PCDHA8: variants seen among roughly 807,000 people sequenced by gnomAD.
PCDHA8 encodes the protein protocadherin alpha-8.
PCDHA8 carries 53 observed loss-of-function variants against 61.8 expected under a neutral mutation model. That is an observed-to-expected ratio of 0.86 (90% CI 0.69 to 1.08). The LOEUF is 1.08. Ranked by LOEUF, PCDHA8 falls within the 50% of genes least tolerant of loss-of-function variation. The probability of loss-of-function intolerance (pLI) is 0.00; values close to 1 mark genes in which losing one functional copy is unlikely to be tolerated. For synonymous variants in PCDHA8, 618 were observed against 556.6 expected (o/e 1.11, Z -1.55); for missense variants, 1,293 against 1,245.0 (o/e 1.04, Z -0.58).
chr5:140,853,667 G>A lies in PCDHA8; in HGVS notation c.2394+9952G>A, dbSNP rs965344983. 2.4e-5 allele frequency: 24 copies of A among 988,242 alleles called. 2 individuals carry two copies. The highest frequency in any genetic ancestry group is 7.1e-5 in the African/African-American group (4 of 56,544). 61.2% of individuals were successfully genotyped at this position (988,242 alleles called of 1,614,324 possible). On this transcript the variant is annotated intron_variant, in intron 1 of 3. Transcript: ENST00000531613. ...TTGAGCCTGTTCCAGACAAATTGGG[G>A]CCTATGGTCAACCTATCCTTAGACC...
chr5:140,850,370 G>A (rs141414972), intron 1 of PCDHA8: 2 of 1,597,812 alleles, frequency 1.3e-6, no homozygotes, highest in African/African-American at 2.7e-5. Context: ...TCCGCGTGGG[G>A]CTGTACACGG....
At position 140,841,334 on chromosome 5, in the gene PCDHA8, T is replaced by C. The variant is rs2150313767; in HGVS notation, c.13T>C (p.Trp5Arg). The C allele has an allele frequency of 4.1e-5, 65 of 1,588,822 alleles. No homozygotes were observed. The African/African-American group carries it at 7.9e-4, about 19-fold the overall frequency. ...ACGACTATTTAACATGGATTATCAC[T>C]GGCGAGGAGAGCTGGGATCCTGGCG... MDYH[W>R]RGELGSWRLL... is the part of the protein sequence containing the mutation. Residue 5 changes from tryptophan (W) to arginine (R), a missense_variant, in exon 1 of 4, where the codon TGG becomes CGG. Coordinates refer to ENST00000531613, the MANE Select transcript of PCDHA8 (RefSeq NM_018911.3).
chr5:140,958,159 A>T (rs782390357), intron 1 of PCDHA8, among the ~76,000 whole-genome samples: 35 of 152,134 alleles, frequency 2.3e-4, no homozygotes, highest in Non-Finnish European at 4.3e-4. Flanking sequence ...CATAGTCAAA[A>T]GCCTGGAGTG....
At position 140,869,552 on chromosome 5, in the gene PCDHA8, C is replaced by T. The variant is rs537127263; in HGVS notation, c.2394+25837C>T. ...ATTGCGGAATCTAAGCAATCGGACTCGCGTTTTCCACTAGAGGGAGCTTCT... is the reference window on the plus strand; with the variant it reads ...ATTGCGGAATCTAAGCAATCGGACTTGCGTTTTCCACTAGAGGGAGCTTCT... On this transcript the variant is annotated intron_variant, in intron 1 of 3. Transcript: ENST00000531613. 4 of 1,614,140 alleles carry T rather than the reference C, an allele frequency of 2.5e-6. No homozygotes were observed. In the East Asian group the frequency reaches 6.7e-5, roughly 27 times the overall value.
intron 1 of PCDHA8, among the ~76,000 whole-genome samples, chr5:140,912,582 T>C (rs2075986919): frequency 6.6e-6 from 1 of 152,214 alleles, no homozygotes. Context: ...TTTTCCAATT[T>C]GGATGCCCTT....
At chr5:140,850,141 T>G in intron 1 of PCDHA8, 1 of 1,595,586 alleles carries the variant, frequency 6.3e-7, no homozygotes, top group Non-Finnish European at 8.6e-7. Context: ...GGCAGCAACG[T>G]GACGCTGCAG....
intron 1 of PCDHA8, chr5:140,857,810 C>T (rs1411794040): frequency 1.9e-6 from 3 of 1,597,674 alleles, no homozygotes; most frequent in Non-Finnish European, 2.6e-6. Context: ...GGTTGCGGGT[C>T]ACGTGGTGGC....
At position 140,858,257 on chromosome 5, in the gene PCDHA8, C is replaced by G; in HGVS notation, c.2394+14542C>G. ...CGCATGTGGGCCGGTGAAGCCCACGCTGGTGTGCTCTAGCGCGGTGGGGAG... is the reference window on the plus strand; with the variant it reads ...CGCATGTGGGCCGGTGAAGCCCACGGTGGTGTGCTCTAGCGCGGTGGGGAG... On this transcript the variant is annotated intron_variant, in intron 1 of 3. Transcript: ENST00000531613. 2 of 1,596,668 alleles carry G rather than the reference C, an allele frequency of 1.3e-6. 1 individual carries two copies. Among genetic ancestry groups the G allele is most frequent in the Non-Finnish European group, 1.7e-6 (2 of 1,166,542 alleles).
At chr5:140,878,693 C>A (rs932928385) in intron 1 of PCDHA8, among the ~76,000 whole-genome samples, 6 of 152,254 alleles carry the variant, frequency 3.9e-5, no homozygotes, top group South Asian at 2.1e-4. Flanking sequence ...TCTTACATAC[C>A]CCAGCCTGGT....
chr5:140,869,517 A>AT, intron 1 of PCDHA8: 1 of 1,614,200 alleles, frequency 6.2e-7, no homozygotes, highest in East Asian at 2.2e-5. Flanking sequence ...TCAGAGAACA[A>AT]AAGCTGCTGA....
In PCDHA8 at chr5:140,841,457, G is replaced by T. The variant is rs2150315897; in HGVS notation, c.136G>T (p.Gly46Cys). 1 of 1,612,920 alleles carries T rather than the reference G, an allele frequency of 6.2e-7. No homozygotes were observed. The highest frequency in any genetic ancestry group is 1.1e-5 in the South Asian group (1 of 91,022). ...PEEAKHGTFV[G>C]RIAQDLGLEL... Reference sequence around the variant, plus strand: ...GGAGGCCAAACACGGCACCTTCGTGGGCCGGATCGCGCAGGACCTGGGGCT... The same window carrying T: ...GGAGGCCAAACACGGCACCTTCGTGTGCCGGATCGCGCAGGACCTGGGGCT... The change falls in exon 1 of 4, where the codon GGC becomes TGC. Residue 46 changes from glycine to cysteine, a missense_variant. Gly to Cys is a radical substitution (Grantham distance 159, BLOSUM62 -3). Coordinates refer to ENST00000531613, the MANE Select transcript of PCDHA8 (RefSeq NM_018911.3).
At position 141,010,062 on chromosome 5, in the gene PCDHA8, A is replaced by G. The variant is rs1310704954; in HGVS notation, c.*125A>G. The G allele has an allele frequency of 8.1e-6, 13 of 1,602,422 alleles. No individual in the cohort carries two copies. Among genetic ancestry groups the G allele is most frequent in the African/African-American group, 2.7e-5 (2 of 74,284 alleles). On this transcript the variant is annotated 3_prime_UTR_variant, in exon 4 of 4. Transcript: ENST00000531613. Reference sequence around the variant, plus strand: ...CCTCTTAGAGACCTCAGAAATCTGCAGAAAGTTCCCTGTGTCTGTCTAGAA... The same window carrying G: ...CCTCTTAGAGACCTCAGAAATCTGCGGAAAGTTCCCTGTGTCTGTCTAGAA...
chr5:140,968,312 C>A, intron 1 of PCDHA8: 2 of 1,613,960 alleles, frequency 1.2e-6, no homozygotes, highest in Non-Finnish European at 1.7e-6. Context: ...GATTCAAGGG[C>A]TGCCAGTCAC....
intron 1 of PCDHA8, chr5:140,875,761 G>A (rs373515339): frequency 1.9e-6 from 3 of 1,614,236 alleles, no homozygotes; most frequent in East Asian, 2.2e-5. Flanking sequence ...GAAGCTGTGC[G>A]GGCGGAGCGC....
At position 140,850,814 on chromosome 5, in the gene PCDHA8, C is replaced by A. The variant is rs2150499236; in HGVS notation, c.2394+7099C>A. The A allele has an allele frequency of 8.1e-6, 13 of 1,598,168 alleles. 1 individual carries two copies. In the South Asian group the frequency reaches 1.4e-4, roughly 18 times the overall value. On this transcript the variant is annotated intron_variant, in intron 1 of 3. Transcript: ENST00000531613. ...AGAAGACCGACCTCATGGCCTTCAG[C>A]CCGGGCCTTTCTCCTTGTGCTGGAT...
intron 1 of PCDHA8, chr5:140,847,497 A>G (rs1331989915): frequency 3.3e-5 from 5 of 149,972 alleles, no homozygotes; most frequent in African/African-American, 1.2e-4. Context: ...AAAACTCACA[A>G]CAAAACTTTG....
intron 1 of PCDHA8, chr5:140,858,779 C>T (rs771428982): frequency 5.0e-6 from 2 of 403,886 alleles, no homozygotes; most frequent in Non-Finnish European, 9.0e-6. Flanking sequence ...ATTAGTACTT[C>T]ATGTTATTTC....
intron 1 of PCDHA8, among the ~76,000 whole-genome samples, chr5:140,907,439 A>G (rs1217956706): frequency 6.6e-6 from 1 of 152,250 alleles, no homozygotes; most frequent in Admixed American, 6.5e-5. Context: ...CTGTGAGTCC[A>G]CAGATGGTAA....
At chr5:140,931,881 T>C (rs2087825880) in intron 1 of PCDHA8, among the ~76,000 whole-genome samples, 1 of 152,002 alleles carries the variant, frequency 6.6e-6, no homozygotes, top group African/African-American at 2.4e-5. Flanking sequence ...TTTATTGCTT[T>C]CATTTTATTT....
Sources: gnomAD v4.1 joint callset for allele counts (sites outside exome capture counted in the v4.1 genomes callset) on GRCh38, gnomAD v4.1.1 for gene constraint, MANE v1.5 for transcripts, NCBI Gene and HGNC (gene_info 2026-07-23, HGNC 2026-07-21) for gene names.